Variants in KCNMB2 observed in about 807,000 individuals in gnomAD.
KCNMB2 encodes potassium calcium-activated channel subfamily M regulatory beta subunit 2.
Under a neutral mutation model 24.5 loss-of-function variants are expected in KCNMB2, and 9 were observed. The observed-to-expected ratio is 0.37, with a 90% CI of 0.22 to 0.64. The LOEUF is 0.64. Among genes scored for constraint, KCNMB2 ranks in the 30% least tolerant of loss-of-function variants. KCNMB2 has a pLI of 0.63. For missense variants in KCNMB2, 226 were observed against 284.3 expected, an observed-to-expected ratio of 0.79 and a Z score of 1.47; for synonymous variants, 109 against 104.4, an observed-to-expected ratio of 1.04 and a Z score of -0.27.
chr3:178,781,947 C>A, intron 1 of KCNMB2, among the ~76,000 whole-genome samples: 1 of 112,330 alleles, frequency 8.9e-6, no homozygotes, highest in African/African-American at 3.4e-5. Context: ...CCCCTCCCCC[C>A]ACCCCACCAC....
intron 1 of KCNMB2, among the ~76,000 whole-genome samples, chr3:178,743,635 A>C (rs957838088): frequency 2.0e-5 from 3 of 152,128 alleles, no homozygotes; most frequent in Non-Finnish European, 4.4e-5. Flanking sequence ...GTTGATCACA[A>C]AGTTCCTCTG....
At chr3:178,752,959 G>A (rs4536802) in intron 1 of KCNMB2, among the ~76,000 whole-genome samples, 1,875 of 152,226 alleles carry the variant, frequency 0.012, 41 homozygotes, top group South Asian at 0.11. Context: ...AGAATTAGCC[G>A]AAATACTATG....
At chr3:178,651,260 T>TCAATG (rs1720109451) in intron 1 of KCNMB2, among the ~76,000 whole-genome samples, 1 of 152,100 alleles carries the variant, frequency 6.6e-6, no homozygotes, top group Non-Finnish European at 1.5e-5. Context: ...TGTGCAAAAA[T>TCAATG]CACAAGCATT....
At position 178,595,840 on chromosome 3, in the gene KCNMB2, T is replaced by A. The variant is rs1577036376; in HGVS notation, c.-68+59129T>A. ...CCAATGAATGGCGCAGGATGACAAG[T>A]AGTATAGGTCTTTTTTACATTTCAG... On this transcript the variant is annotated intron_variant, in intron 1 of 4. Transcript: ENST00000452583. 4.6e-5 allele frequency among the ~76,000 whole-genome samples: 7 copies of A among 152,174 alleles called. No individual in the cohort carries two copies. In the South Asian group the frequency reaches 1.5e-3, roughly 32 times the overall value.
chr3:178,778,125 T>C (rs1712658238), intron 1 of KCNMB2, among the ~76,000 whole-genome samples: 1 of 152,182 alleles, frequency 6.6e-6, no homozygotes, highest in East Asian at 1.9e-4. Context: ...ATTTAACGTG[T>C]TTTGAAAGCA....
chr3:178,565,447 G>A (rs1716483507), intron 1 of KCNMB2, among the ~76,000 whole-genome samples: 1 of 152,188 alleles, frequency 6.6e-6, no homozygotes, highest in Non-Finnish European at 1.5e-5. Context: ...AATTATGTGA[G>A]AGAATAGGAA....
intron 1 of KCNMB2, among the ~76,000 whole-genome samples, chr3:178,595,068 A>G (rs1717819243): frequency 6.6e-6 from 1 of 151,606 alleles, no homozygotes; most frequent in Non-Finnish European, 1.5e-5. Flanking sequence ...GCAAAAAAAA[A>G]AAAAAAATCA....
intron 1 of KCNMB2, among the ~76,000 whole-genome samples, chr3:178,647,628 AC>A (rs1719963495): frequency 6.6e-6 from 1 of 152,238 alleles, no homozygotes; most frequent in African/African-American, 2.4e-5. Context: ...CATGTTATTT[AC>A]CTATAGCACA....
At chr3:178,698,429 T>C (rs1056437422) in intron 1 of KCNMB2, among the ~76,000 whole-genome samples, 1 of 152,240 alleles carries the variant, frequency 6.6e-6, no homozygotes, top group Middle Eastern at 3.2e-3. Flanking sequence ...ATACTTGTGA[T>C]TGCATTATTA....
chr3:178,838,210 C>T (rs1478145272), intron 4 of KCNMB2, among the ~76,000 whole-genome samples: 1 of 152,150 alleles, frequency 6.6e-6, no homozygotes, highest in Non-Finnish European at 1.5e-5. Context: ...TATTCCCACA[C>T]TGCCTTACAC....
chr3:178,597,113 A>T (rs1011436447), intron 1 of KCNMB2, among the ~76,000 whole-genome samples: 11 of 152,132 alleles, frequency 7.2e-5, no homozygotes, highest in African/African-American at 2.4e-4. Flanking sequence ...GTCTCGAGCT[A>T]CCTGACTTAA....
Position 178,814,746 on chromosome 3 carries a change from T to C in KCNMB2, c.56+7281T>C, listed in dbSNP as rs1377153209. On this transcript the variant is annotated intron_variant, in intron 2 of 4. Transcript: ENST00000452583. ...AATGTTGAGTACTTTTTCATGTTTA[T>C]TGGCTTGCATATATGTGTCTTTTTT... Among the ~76,000 whole-genome samples the C allele has an allele frequency of 3.9e-5, 6 of 152,378 alleles. No individual in the cohort carries two copies. In the East Asian group the frequency reaches 9.6e-4, roughly 24 times the overall value.
chr3:178,756,650 G>C (rs1724053435), intron 1 of KCNMB2, among the ~76,000 whole-genome samples: 1 of 152,004 alleles, frequency 6.6e-6, no homozygotes, highest in South Asian at 2.1e-4. Context: ...ATCATCTCAT[G>C]AATCCCAAAT....
intron 1 of KCNMB2, among the ~76,000 whole-genome samples, chr3:178,626,674 T>C (rs1719129407): frequency 6.6e-6 from 1 of 152,014 alleles, no homozygotes. Context: ...GGGAACAGCA[T>C]GGGGTAAACT....
chr3:178,688,200 A>AC (rs34191359), intron 1 of KCNMB2, among the ~76,000 whole-genome samples: 1 of 152,176 alleles, frequency 6.6e-6, no homozygotes, highest in East Asian at 1.9e-4. Context: ...CAGGTGAAAA[A>AC]TATTTTATAG....
At chr3:178,732,668 T>C (rs780929673) in intron 1 of KCNMB2, among the ~76,000 whole-genome samples, 5 of 152,204 alleles carry the variant, frequency 3.3e-5, no homozygotes, top group African/African-American at 4.8e-5. Flanking sequence ...TATAATGATG[T>C]TGCCCTGAGT....
intron 1 of KCNMB2, among the ~76,000 whole-genome samples, chr3:178,703,154 G>A (rs1722159441): frequency 1.3e-5 from 2 of 152,102 alleles, no homozygotes; most frequent in Admixed American, 6.5e-5. Context: ...TGATGACAAT[G>A]ACCACGAGTT....
intron 1 of KCNMB2, among the ~76,000 whole-genome samples, chr3:178,764,701 T>G (rs569390368): frequency 2.0e-5 from 3 of 152,204 alleles, no homozygotes; most frequent in Non-Finnish European, 4.4e-5. Context: ...CCAGTGCAGA[T>G]CCTGTTAAGA....
intron 1 of KCNMB2, among the ~76,000 whole-genome samples, chr3:178,661,386 T>C (rs1188132046): frequency 6.6e-6 from 1 of 152,212 alleles, no homozygotes; most frequent in Non-Finnish European, 1.5e-5. Flanking sequence ...CTAGTCTACA[T>C]TGATGGGCAT....
Sources: gnomAD v4.1 joint callset for allele counts (sites outside exome capture counted in the v4.1 genomes callset) on GRCh38, gnomAD v4.1.1 for gene constraint, MANE v1.5 for transcripts, NCBI Gene and HGNC (gene_info 2026-07-23, HGNC 2026-07-21) for gene names.